Variants in DPYSL2 observed in about 807,000 individuals in gnomAD.
DPYSL2 encodes the protein dihydropyrimidinase-related protein 2.
DPYSL2 carries 13 observed loss-of-function variants against 69.9 expected under a neutral mutation model. That is an observed-to-expected ratio of 0.19 (90% CI 0.12 to 0.30). The LOEUF (loss-of-function observed/expected upper bound fraction) is 0.30, where lower values mean the gene tolerates loss of function less well. Among genes scored for constraint, DPYSL2 ranks in the 10% least tolerant of loss-of-function variants. The pLI, the probability that DPYSL2 is intolerant of heterozygous loss-of-function variation, is 1.00. For synonymous variants in DPYSL2, 326 were observed against 359.1 expected, an observed-to-expected ratio of 0.91 and a Z score of 1.04; for missense variants, 587 against 918.9, an observed-to-expected ratio of 0.64 and a Z score of 4.67.
In DPYSL2 at chr8:26,614,382, A is replaced by G. The variant is rs1325684063; in HGVS notation, c.629-9761A>G. Among the ~76,000 whole-genome samples, 1 of 152,142 alleles carries G rather than the reference A, an allele frequency of 6.6e-6. No homozygotes were observed. The highest frequency in any genetic ancestry group is 1.5e-5 in the Non-Finnish European group (1 of 68,022). On this transcript the variant is annotated intron_variant, in intron 3 of 13. Coordinates refer to ENST00000521913, the MANE Select transcript of DPYSL2 (RefSeq NM_001197293.3). The surrounding 1 kb of genome is among the most constrained non-coding windows in gnomAD (Gnocchi z 4.9). Reference sequence around the variant, plus strand: ...GTCAGCAACATTCAGCTCCCTCCATAGCTCGATGAGAAGAGAGGGGTGGGG... The same window carrying G: ...GTCAGCAACATTCAGCTCCCTCCATGGCTCGATGAGAAGAGAGGGGTGGGG...
At chr8:26,576,224 TG>T (rs921549203) in intron 1 of DPYSL2, among the ~76,000 whole-genome samples, 1 of 152,186 alleles carries the variant, frequency 6.6e-6, no homozygotes, top group African/African-American at 2.4e-5. Context: ...TCTCTGAGTC[TG>T]GAAGGACAGA....
intron 1 of DPYSL2, among the ~76,000 whole-genome samples, chr8:26,545,326 A>G (rs759963645): frequency 4.6e-5 from 7 of 152,264 alleles, no homozygotes; most frequent in African/African-American, 1.2e-4. Flanking sequence ...TTCAACCACA[A>G]TGAAATGTAA....
At chr8:26,651,484 A>T (rs1490623235) in intron 11 of DPYSL2, among the ~76,000 whole-genome samples, 1 of 152,220 alleles carries the variant, frequency 6.6e-6, no homozygotes, top group African/African-American at 2.4e-5. Context: ...TGAACCAAAC[A>T]GGCAGGAAGA....
intron 11 of DPYSL2, among the ~76,000 whole-genome samples, chr8:26,649,307 C>A (rs559081973): frequency 3.9e-5 from 6 of 152,328 alleles, no homozygotes; most frequent in Admixed American, 2.6e-4. Flanking sequence ...GAAAATGCTT[C>A]CCCTCTCTTG....
chr8:26,603,947 A>T (rs1185801911), intron 3 of DPYSL2, among the ~76,000 whole-genome samples: 2 of 152,172 alleles, frequency 1.3e-5, no homozygotes, highest in Non-Finnish European at 2.9e-5. Flanking sequence ...TATGAACATG[A>T]GTGTGCAAAT....
intron 1 of DPYSL2, among the ~76,000 whole-genome samples, chr8:26,556,392 A>G (rs1385706887): frequency 2.1e-5 from 2 of 95,198 alleles, no homozygotes; most frequent in African/African-American, 4.0e-5. Context: ...ATACACACAT[A>G]CATGCACACA....
At chr8:26,549,225 T>TC (rs374960228) in intron 1 of DPYSL2, among the ~76,000 whole-genome samples, 6,547 of 150,616 alleles carry the variant, frequency 0.043, 180 homozygotes, top group South Asian at 0.15. Flanking sequence ...ATAATAATAA[T>TC]AATCAAAAGG....
chr8:26,566,495 G>T (rs1585512712), intron 1 of DPYSL2, among the ~76,000 whole-genome samples: 1 of 152,168 alleles, frequency 6.6e-6, no homozygotes, highest in Non-Finnish European at 1.5e-5. Flanking sequence ...CTTTGGACTT[G>T]ATTACAAACT....
At position 26,617,554 on chromosome 8, in the gene DPYSL2, A is replaced by G. The variant is rs144598970; in HGVS notation, c.629-6589A>G. Among the ~76,000 whole-genome samples, 3 of 152,344 alleles carry G rather than the reference A, an allele frequency of 2.0e-5. No individual in the cohort carries two copies. Among genetic ancestry groups the G allele is most frequent in the African/African-American group, 4.8e-5 (2 of 41,582 alleles). ...AAAGTAGGGTCATTTAAATATGGCA[A>G]ACTCCAAACGGGTCTTCTCTTTGAA... On this transcript the variant is annotated intron_variant, in intron 3 of 13. Coordinates refer to ENST00000521913, the MANE Select transcript of DPYSL2 (RefSeq NM_001197293.3). The surrounding 1 kb of genome is among the most constrained non-coding windows in gnomAD (Gnocchi z 4.7).
At chr8:26,636,824 T>G (rs1802929392) in intron 8 of DPYSL2, among the ~76,000 whole-genome samples, 1 of 152,178 alleles carries the variant, frequency 6.6e-6, no homozygotes, top group Admixed American at 6.5e-5. Flanking sequence ...CACTGCAGTC[T>G]CCGCCTCCTG....
chr8:26,555,958 A>G (rs1366378722), intron 1 of DPYSL2, among the ~76,000 whole-genome samples: 2 of 124,120 alleles, frequency 1.6e-5, no homozygotes, highest in Non-Finnish European at 3.2e-5. Flanking sequence ...ATATACATGT[A>G]TTATATATTA....
At position 26,642,348 on chromosome 8, in the gene DPYSL2, A is replaced by G. The variant is rs1803068922; in HGVS notation, c.1127-1091A>G. Reference sequence around the variant, plus strand: ...TTGGACGATGTTAAAGGAGGAGATCAGCTTCCAGTAGTGAAGAGCATCTGA... The same window carrying G: ...TTGGACGATGTTAAAGGAGGAGATCGGCTTCCAGTAGTGAAGAGCATCTGA... On this transcript the variant is annotated intron_variant, in intron 8 of 13. Transcript: ENST00000521913. The surrounding 1 kb of genome is among the most constrained non-coding windows in gnomAD (Gnocchi z 5.3). 6.6e-6 allele frequency among the ~76,000 whole-genome samples: 1 copy of G among 152,216 alleles called. No individual in the cohort carries two copies. The highest frequency in any genetic ancestry group is 2.1e-4 in the South Asian group (1 of 4,828).
At chr8:26,628,517 C>A (rs17322324) in intron 7 of DPYSL2, among the ~76,000 whole-genome samples, 20,548 of 152,108 alleles carry the variant, frequency 0.14, 1,617 homozygotes, top group Non-Finnish European at 0.18. Flanking sequence ...GGAGGGTGCA[C>A]ACGTCTTAGG....
At chr8:26,578,150 T>C (rs1331571985) in intron 1 of DPYSL2, 5 of 1,593,646 alleles carry the variant, frequency 3.1e-6, no homozygotes, top group Middle Eastern at 1.7e-4. Context: ...TTTTCAATCT[T>C]GCAAAGGAAA....
In DPYSL2 at chr8:26,577,537, G is replaced by A. The variant is rs985375504; in HGVS notation, c.355-4432G>A. On this transcript the variant is annotated intron_variant, in intron 1 of 13. Coordinates refer to ENST00000521913, the MANE Select transcript of DPYSL2 (RefSeq NM_001197293.3). ...GGCCTCCGCGGATTGGCGCGCAGGC[G>A]GGCAGGGACCGGGGCGCGCGCAGGC... Among the ~76,000 whole-genome samples the A allele has an allele frequency of 5.4e-5, 8 of 148,952 alleles. No homozygotes were observed. The South Asian group carries it at 1.5e-3, about 27-fold the overall frequency.
intron 8 of DPYSL2, among the ~76,000 whole-genome samples, chr8:26,635,526 T>C (rs1802893295): frequency 6.6e-6 from 1 of 152,206 alleles, no homozygotes; most frequent in South Asian, 2.1e-4. Flanking sequence ...AGCTGAGCCC[T>C]GTTGTCACCC....
chr8:26,578,152 C>G (rs1239347085), intron 1 of DPYSL2: 3 of 1,594,866 alleles, frequency 1.9e-6, no homozygotes, highest in Middle Eastern at 3.3e-4. Flanking sequence ...TTCAATCTTG[C>G]AAAGGAAAAA....
At chr8:26,612,361 G>C (rs1478494652) in intron 3 of DPYSL2, among the ~76,000 whole-genome samples, 2 of 152,164 alleles carry the variant, frequency 1.3e-5, no homozygotes, top group African/African-American at 4.8e-5. Context: ...TTTAAAATAG[G>C]GGGAAAGTTA....
chr8:26,597,239 G>A lies in DPYSL2; in HGVS notation c.628+13256G>A, dbSNP rs141930266. On this transcript the variant is annotated intron_variant, in intron 3 of 13. Coordinates refer to ENST00000521913, the MANE Select transcript of DPYSL2 (RefSeq NM_001197293.3). The surrounding 1 kb of genome is among the most constrained non-coding windows in gnomAD (Gnocchi z 5.2). ...AATCAAGAGGAGTAACTGATGCCAT[G>A]CATTCATCAACTGAACTTAATCCTT... Among the ~76,000 whole-genome samples the A allele has an allele frequency of 6.6e-6, 1 of 152,300 alleles. No individual in the cohort carries two copies. The highest frequency in any genetic ancestry group is 1.9e-4 in the East Asian group (1 of 5,178).
Sources: allele counts gnomAD v4.1 joint callset (sites outside exome capture counted in the v4.1 genomes callset), GRCh38; gene constraint gnomAD v4.1.1; non-coding constraint Gnocchi (gnomAD v3.1); transcripts MANE v1.5; gene names NCBI Gene and HGNC (gene_info 2026-07-23, HGNC 2026-07-21).